Variants in MEIS2 observed in about 807,000 individuals in gnomAD.
The protein encoded by MEIS2 is homeobox protein Meis2.
In MEIS2, 9 loss-of-function variants were observed where a neutral mutation model predicts 58.6. The observed-to-expected ratio is 0.15, with a 90% CI of 0.09 to 0.27. MEIS2 has a LOEUF of 0.27. Ranked by LOEUF, MEIS2 falls within the 10% of genes least tolerant of loss-of-function variation. The pLI, the probability that MEIS2 is intolerant of heterozygous loss-of-function variation, is 1.00. For missense variants in MEIS2, 427 were observed against 635.0 expected (o/e 0.67, Z 3.52); for synonymous variants, 221 against 228.4 (o/e 0.97, Z 0.29).
chr15:37,069,272 A>C (rs541144763), intron 7 of MEIS2, among the ~76,000 whole-genome samples: 7 of 152,158 alleles, frequency 4.6e-5, no homozygotes, highest in African/African-American at 1.7e-4. Flanking sequence ...TCAGTTTTTT[A>C]AGGTGATTGA....
intron 9 of MEIS2, chr15:36,897,510 C>T (rs1448552870): frequency 1.3e-5 from 2 of 152,160 alleles, no homozygotes; most frequent in Non-Finnish European, 2.9e-5. Context: ...AAATAAGTGC[C>T]TACTTCATGT....
At chr15:36,896,938 T>G (rs1231904004) in intron 9 of MEIS2, 1 of 383,934 alleles carries the variant, frequency 2.6e-6, no homozygotes, top group Admixed American at 4.1e-5. Flanking sequence ...ATGAGAAAGC[T>G]TCTATTAACT....
At chr15:37,060,940 G>A (rs1008192427) in intron 7 of MEIS2, among the ~76,000 whole-genome samples, 5 of 152,110 alleles carry the variant, frequency 3.3e-5, no homozygotes, top group African/African-American at 1.2e-4. Context: ...TACTTTGAGG[G>A]TATCACACAC....
intron 9 of MEIS2, 90 bp downstream of exon 9, chr15:36,950,234 T>C (rs2058708802): frequency 2.6e-6 from 3 of 1,174,084 alleles, no homozygotes; most frequent in South Asian, 1.4e-5. Context: ...ATTTCATTTG[T>C]TTTAGAAAAA....
At chr15:36,924,724 T>C (rs1018667236) in intron 9 of MEIS2, among the ~76,000 whole-genome samples, 1 of 152,200 alleles carries the variant, frequency 6.6e-6, no homozygotes, top group African/African-American at 2.4e-5. Context: ...TGCACAATTC[T>C]GGACATTTTA....
intron 9 of MEIS2, among the ~76,000 whole-genome samples, chr15:36,900,525 ATAACT>A (rs1212624737): frequency 2.0e-5 from 3 of 152,210 alleles, no homozygotes; most frequent in Non-Finnish European, 4.4e-5. Flanking sequence ...TAGTTTAAAA[ATAACT>A]TAATTATAGA....
intron 7 of MEIS2, among the ~76,000 whole-genome samples, chr15:37,080,632 A>G (rs1295856940): frequency 6.6e-6 from 1 of 152,148 alleles, no homozygotes; most frequent in Non-Finnish European, 1.5e-5. Context: ...ATGGGAAGCC[A>G]GACACAAAGA....
chr15:37,020,088 C>T (rs568565185), intron 8 of MEIS2, among the ~76,000 whole-genome samples: 5 of 152,262 alleles, frequency 3.3e-5, no homozygotes, highest in Non-Finnish European at 7.4e-5. Context: ...GAAGGCATTG[C>T]TTTTTGTGCA....
intron 7 of MEIS2, among the ~76,000 whole-genome samples, chr15:37,054,158 CT>C (rs1488999224): frequency 6.6e-6 from 1 of 152,200 alleles, no homozygotes; most frequent in Non-Finnish European, 1.5e-5. Context: ...TTATTTCCAG[CT>C]TTACTAGCAA....
At chr15:36,927,424 G>A (rs1309333292) in intron 9 of MEIS2, among the ~76,000 whole-genome samples, 1 of 152,094 alleles carries the variant, frequency 6.6e-6, no homozygotes, top group Non-Finnish European at 1.5e-5. Context: ...GGCTCTGATG[G>A]GAAAATAAGG....
At chr15:37,069,437 C>A (rs910141362) in intron 7 of MEIS2, among the ~76,000 whole-genome samples, 34 of 152,144 alleles carry the variant, frequency 2.2e-4, no homozygotes, top group African/African-American at 8.2e-4. Context: ...ACAAAATCAA[C>A]TTTTTCTCAT....
At chr15:37,007,215 C>A (rs1461822738) in intron 8 of MEIS2, among the ~76,000 whole-genome samples, 1 of 152,108 alleles carries the variant, frequency 6.6e-6, no homozygotes, top group African/African-American at 2.4e-5. Context: ...TTGCTAGAGG[C>A]TTCTGGGAAG....
chr15:37,079,835 G>C (rs1440240502), intron 7 of MEIS2, among the ~76,000 whole-genome samples: 1 of 152,110 alleles, frequency 6.6e-6, no homozygotes, highest in African/African-American at 2.4e-5. Context: ...TGAAAGATTA[G>C]AGCAATATAG....
rs866747308 is a variant in MEIS2 at position 36,957,912 on chromosome 15, G to A, written c.901-7512C>T. ...TAACTGTTTTATGAACACAATATTC[G>A]GATATTTGAAAACATCTCTGAATTT... is the stretch of plus-strand genomic sequence containing the variant. On this transcript the variant is annotated intron_variant, in intron 8 of 11. Coordinates refer to ENST00000561208, the MANE Select transcript of MEIS2 (RefSeq NM_170675.5). 5.9e-5 allele frequency among the ~76,000 whole-genome samples: 9 copies of A among 152,200 alleles called. No homozygotes were observed. The South Asian group carries it at 1.0e-3, about 18-fold the overall frequency.
chr15:36,993,084 G>A (rs1406190905), intron 8 of MEIS2, among the ~76,000 whole-genome samples: 4 of 152,064 alleles, frequency 2.6e-5, no homozygotes, highest in East Asian at 1.9e-4. Flanking sequence ...TTCAAAAAAC[G>A]GCAGCAAAAT....
chr15:37,018,922 A>T (rs942860074), intron 8 of MEIS2, among the ~76,000 whole-genome samples: 3 of 152,170 alleles, frequency 2.0e-5, no homozygotes, highest in Non-Finnish European at 4.4e-5. Flanking sequence ...ACTCTGGGTA[A>T]TGACAGTCCC....
chr15:36,912,392 G>C (rs189895714), intron 9 of MEIS2, among the ~76,000 whole-genome samples: 1 of 152,182 alleles, frequency 6.6e-6, no homozygotes, highest in Non-Finnish European at 1.5e-5. Flanking sequence ...GCTTAGAGCC[G>C]TAATGAGCTG....
rs375137883 is a variant in MEIS2 at position 37,096,283 on chromosome 15, C to G, written c.387+6G>C. 8.1e-6 allele frequency: 13 copies of G among 1,600,210 alleles called. No homozygotes were observed. In the African/African-American group the frequency reaches 1.3e-4, roughly 16 times the overall value. On this transcript the variant is annotated splice_donor_region_variant and intron_variant, in intron 3 of 11. Coordinates refer to ENST00000561208, the MANE Select transcript of MEIS2 (RefSeq NM_170675.5). ...CCCGAAGTTGAGTGGATCAAGAAGGCTGGACCTGCTTGGCGAAGACCGCGA... is the reference window on the plus strand; with the variant it reads ...CCCGAAGTTGAGTGGATCAAGAAGGGTGGACCTGCTTGGCGAAGACCGCGA...
At chr15:36,906,176 A>C (rs988861003) in intron 9 of MEIS2, among the ~76,000 whole-genome samples, 3 of 152,204 alleles carry the variant, frequency 2.0e-5, no homozygotes, top group Non-Finnish European at 4.4e-5. Flanking sequence ...ATTAACACGC[A>C]ATCTGGTAGA....
Sources: allele counts gnomAD v4.1 joint callset (sites outside exome capture counted in the v4.1 genomes callset), GRCh38; gene constraint gnomAD v4.1.1; transcripts MANE v1.5; gene names NCBI Gene and HGNC (gene_info 2026-07-23, HGNC 2026-07-21).